The following TJAP1 variants were observed in gnomAD, a reference collection of about 807,000 sequenced individuals.
The protein encoded by TJAP1 is tight junction associated protein 1.
TJAP1 carries 27 observed loss-of-function variants against 42.0 expected under a neutral mutation model. That is an observed-to-expected ratio of 0.64 (90% CI 0.47 to 0.89). The LOEUF (loss-of-function observed/expected upper bound fraction) is 0.89. Among genes scored for constraint, TJAP1 ranks in the 40% least tolerant of loss-of-function variants. TJAP1 has a pLI of 0.00. For synonymous variants in TJAP1, 257 were observed against 288.4 expected (o/e 0.89, Z 1.10); for missense variants, 712 against 726.9 (o/e 0.98, Z 0.24).
chr6:43,482,223 A>G (rs1306427142), intron 2 of TJAP1, among the ~76,000 whole-genome samples: 1 of 152,160 alleles, frequency 6.6e-6, no homozygotes, highest in Non-Finnish European at 1.5e-5. Flanking sequence ...ATTTTAGTAA[A>G]CTATGGAGTT....
intron 2 of TJAP1, among the ~76,000 whole-genome samples, chr6:43,487,188 T>G (rs1786726020): frequency 6.6e-6 from 1 of 152,164 alleles, no homozygotes; most frequent in Non-Finnish European, 1.5e-5. Flanking sequence ...ATGGCCCCTC[T>G]TTGTGAGAAG....
intron 2 of TJAP1, chr6:43,497,094 T>C (rs559210561): frequency 6.6e-6 from 1 of 152,436 alleles, no homozygotes; most frequent in East Asian, 1.9e-4. Flanking sequence ...CTTGGCACTC[T>C]GGATATTTTC....
intron 2 of TJAP1, chr6:43,489,891 C>T (rs1787424902): frequency 6.6e-6 from 1 of 152,400 alleles, no homozygotes; most frequent in Non-Finnish European, 1.5e-5. Flanking sequence ...TCTGCTTTCT[C>T]TCTGCAGCTC....
intron 2 of TJAP1, among the ~76,000 whole-genome samples, chr6:43,494,545 G>A (rs9462900): frequency 0.019 from 2,301 of 120,842 alleles, 75 homozygotes; most frequent in African/African-American, 0.067. Flanking sequence ...GACCCAGCAC[G>A]TTATCTGGTA....
At chr6:43,498,927 G>T in intron 3 of TJAP1, 51 bp from the exon 4 acceptor site, 1 of 1,581,680 alleles carries the variant, frequency 6.3e-7, no homozygotes, top group South Asian at 1.1e-5. Flanking sequence ...TCTCAGTCCA[G>T]AGTCCTTCTG....
At chr6:43,493,371 G>T (rs1788257140) in intron 2 of TJAP1, among the ~76,000 whole-genome samples, 1 of 152,234 alleles carries the variant, frequency 6.6e-6, no homozygotes, top group South Asian at 2.1e-4. Context: ...AGGTATTGGT[G>T]ATGTGGAGAG....
intron 2 of TJAP1, among the ~76,000 whole-genome samples, chr6:43,496,654 C>T (rs1419887409): frequency 2.0e-5 from 3 of 152,326 alleles, no homozygotes; most frequent in South Asian, 2.1e-4. Context: ...CTCCCTGCCC[C>T]GGGCCCTGTT....
chr6:43,503,216 C>T (rs1791379686), intron 8 of TJAP1, 185 bp from the exon 9 acceptor site: 3 of 601,820 alleles, frequency 5.0e-6, no homozygotes, highest in Non-Finnish European at 8.9e-6. Context: ...CCCCACCCCA[C>T]AGCCAGTCCA....
intron 6 of TJAP1, among the ~76,000 whole-genome samples, chr6:43,502,076 A>ACACT (rs767085594): frequency 0.017 from 1,141 of 68,950 alleles, 164 homozygotes; most frequent in South Asian, 0.018. Context: ...ACACACACAC[A>ACACT]CTCTCTCTCT....
intron 2 of TJAP1, among the ~76,000 whole-genome samples, chr6:43,483,370 C>T (rs1785724961): frequency 1.3e-5 from 2 of 152,258 alleles, no homozygotes; most frequent in Admixed American, 1.3e-4. Flanking sequence ...ATGTACTTCA[C>T]TCAGTCCATA....
intron 8 of TJAP1, chr6:43,502,825 G>A: frequency 1.6e-6 from 1 of 636,660 alleles, no homozygotes. Flanking sequence ...TCTGGTAGAG[G>A]TACTGATTGA....
exon 4 of TJAP1, chr6:43,499,097 G>C (rs1279372588): frequency 6.2e-7 from 1 of 1,613,710 alleles, no homozygotes; most frequent in Non-Finnish European, 8.5e-7. Flanking sequence ...GGCTTGAGCA[G>C]GAGGTCAGCA....
chr6:43,503,316 T>G, intron 8 of TJAP1, 85 bp from the exon 9 acceptor site: 1 of 1,060,554 alleles, frequency 9.4e-7, no homozygotes. Context: ...CTGTGGCCTC[T>G]TGTGTCTCCA....
chr6:43,502,199 C>G lies in TJAP1; in HGVS notation c.291-84C>G, dbSNP rs1443975928. The stretch of plus-strand genomic sequence containing the variant: ...AGTTCTTGAGGGAGAATGACATGTT[C>G]AAGATCCCCTATCGGGGAGGCTGAA... On this transcript the variant is annotated intron_variant, in intron 6 of 10. Transcript: ENST00000372449. The G allele has an allele frequency of 3.5e-6, 5 of 1,411,552 alleles. No individual in the cohort carries two copies. The East Asian group carries it at 9.3e-5, about 26-fold the overall frequency. The allele number at this position is 1,411,552 out of a possible 1,614,324, so 87.4% of individuals were successfully genotyped here.
intron 2 of TJAP1, among the ~76,000 whole-genome samples, chr6:43,484,225 GA>G (rs1380881710): frequency 1.3e-5 from 2 of 152,168 alleles, no homozygotes; most frequent in African/African-American, 2.4e-5. Context: ...TTGGGAGGCT[GA>G]GGTGGGTGGA....
rs561539477 is a variant in TJAP1, at chr6:43,495,347, C to T, written c.-121-2534C>T. Reference sequence around the variant, plus strand: ...GTCAAGGACTGTGGGCTGCCAGGCCCGTTGTATTCCTGTTCATTGCTGGAA... The same window carrying T: ...GTCAAGGACTGTGGGCTGCCAGGCCTGTTGTATTCCTGTTCATTGCTGGAA... On this transcript the variant is annotated intron_variant, in intron 2 of 10. Coordinates refer to ENST00000372449, the Ensembl canonical transcript of TJAP1. This position sits in a 1 kb window ranked among gnomAD's most constrained non-coding sequence, Gnocchi z 4.6. Among the ~76,000 whole-genome samples the T allele has an allele frequency of 4.6e-5, 7 of 152,340 alleles. No homozygotes were observed. The South Asian group carries it at 6.2e-4, about 14-fold the overall frequency.
At chr6:43,484,185 C>T (rs111437393) in intron 2 of TJAP1, among the ~76,000 whole-genome samples, 2,819 of 151,970 alleles carry the variant, frequency 0.019, 36 homozygotes, top group South Asian at 0.041. Context: ...GGGCTGGGCA[C>T]GGTGGCTCAT....
At chr6:43,484,589 G>T (rs1039562063) in intron 2 of TJAP1, among the ~76,000 whole-genome samples, 9 of 152,222 alleles carry the variant, frequency 5.9e-5, no homozygotes, top group Admixed American at 3.9e-4. Flanking sequence ...TTTGATTTCT[G>T]CCTGGTAGCC....
At chr6:43,479,753 C>T (rs1236185339) in intron 2 of TJAP1, among the ~76,000 whole-genome samples, 9 of 152,170 alleles carry the variant, frequency 5.9e-5, no homozygotes, top group African/African-American at 1.9e-4. Context: ...AGGCGGATCA[C>T]GAGGTCAAGA....
Sources: gnomAD v4.1 joint callset for allele counts (sites outside exome capture counted in the v4.1 genomes callset) on GRCh38, gnomAD v4.1.1 for gene constraint, Gnocchi (gnomAD v3.1) non-coding constraint, MANE v1.5 for transcripts, NCBI Gene and HGNC (gene_info 2026-07-23, HGNC 2026-07-21) for gene names.